ZNF43: variants seen among roughly 807,000 people sequenced by gnomAD.
ZNF43 encodes the protein zinc finger protein 39-like 1 (KOX 27).
In ZNF43, 44 loss-of-function variants were observed where a neutral mutation model predicts 68.4. The observed-to-expected ratio is 0.64, with a 90% confidence interval of 0.51 to 0.83. ZNF43 has a LOEUF of 0.83. ZNF43 is among the 40% of genes least tolerant of loss of function. The pLI is 0.00. For missense variants in ZNF43, 896 were observed against 933.2 expected (o/e 0.96, Z 0.52); for synonymous variants, 308 against 307.8 (o/e 1.00, Z -0.01).
chr19:21,814,033 G>T (rs2037402251), intron 3 of ZNF43, among the ~76,000 whole-genome samples: 1 of 151,926 alleles, frequency 6.6e-6, no homozygotes, highest in Admixed American at 6.6e-5. Context: ...AAAATCCTGG[G>T]ATTACAGATG....
chr19:21,812,540 A>G (rs1308305897), intron 3 of ZNF43, among the ~76,000 whole-genome samples: 1 of 133,714 alleles, frequency 7.5e-6, no homozygotes, highest in Non-Finnish European at 1.6e-5. Flanking sequence ...ACACAAAATT[A>G]CAATTTGTAG....
In ZNF43 at chr19:21,808,847, G is replaced by T. The variant is rs780776338; in HGVS notation, c.1190C>A (p.Pro397His). 4 of 1,613,048 alleles carry T rather than the reference G, an allele frequency of 2.5e-6. No homozygotes were observed. In the South Asian group the frequency reaches 4.4e-5, roughly 18 times the overall value. Residue 397 changes from proline (P) to histidine (H), a missense_variant, in exon 4 of 4, where the codon CCC becomes CAC. Transcript: ENST00000354959. ...KHKKIHTEKK[P>H]YKCEECGKAF... Reference sequence around the variant, plus strand: ...TTTGCCACATTCTTCACATTTGTAGGGTTTCTTTTCAGTATGAATTTTCTT... The same window carrying T: ...TTTGCCACATTCTTCACATTTGTAGTGTTTCTTTTCAGTATGAATTTTCTT...
intron 1 of ZNF43, among the ~76,000 whole-genome samples, chr19:21,851,539 CAAAA>C (rs759516277): frequency 1.2e-3 from 77 of 64,828 alleles, no homozygotes; most frequent in African/African-American, 3.4e-3. Flanking sequence ...GATTCCCTCT[CAAAA>C]AAAAAAAAAA....
At chr19:21,836,902 T>C (rs1481646823), upstream of ZNF43, among the ~76,000 whole-genome samples, 1 of 152,202 alleles carries the variant, frequency 6.6e-6, no homozygotes, top group Non-Finnish European at 1.5e-5. Flanking sequence ...TGAATTATTT[T>C]ATCAAAAAAT....
In ZNF43 at chr19:21,807,460, A is replaced by T. The variant is rs1444161205; in HGVS notation, c.*147T>A. ...AAAATTCTTTCCTGTGCAATAAGGT[A>T]CGAGCATTAATTAAAAGTTTTGCCA... On this transcript the variant is annotated 3_prime_UTR_variant, in exon 4 of 4. Transcript: ENST00000354959. The T allele has an allele frequency of 1.3e-6, 1 of 750,652 alleles. No homozygotes were observed. The highest frequency in any genetic ancestry group is 2.0e-6 in the Non-Finnish European group (1 of 490,108). The allele number at this position is 750,652 out of a possible 1,614,324, so 46.5% of individuals were successfully genotyped here. A position where few individuals can be genotyped will look rare whatever the true frequency, so the allele number is the denominator to read the frequency against.
In ZNF43 at chr19:21,806,224, T is replaced by G. The variant is rs567292155; in HGVS notation, c.*1383A>C. On this transcript the variant is annotated 3_prime_UTR_variant, in exon 4 of 4. Transcript: ENST00000354959. ...GGAGTTTGACTTTTGTTGCCCAGGT[T>G]GGAGTGCAATGGTATGATTTCGGCT... 4 of 150,512 alleles carry G rather than the reference T, an allele frequency of 2.7e-5. 1 individual carries two copies. In the South Asian group the frequency reaches 8.4e-4, roughly 32 times the overall value. 9.3% of individuals were successfully genotyped at this position (150,512 alleles called of 1,614,324 possible). A position where few individuals can be genotyped will look rare whatever the true frequency, so the allele number is the denominator to read the frequency against.
chr19:21,821,475 C>A (rs1490015317), intron 1 of ZNF43, among the ~76,000 whole-genome samples: 1 of 152,094 alleles, frequency 6.6e-6, no homozygotes, highest in Non-Finnish European at 1.5e-5. Flanking sequence ...TTATAAATGT[C>A]TTCTTGTTTA....
chr19:21,844,281 G>T (rs1420077735), intron 1 of ZNF43, among the ~76,000 whole-genome samples: 1 of 150,222 alleles, frequency 6.7e-6, no homozygotes, highest in Admixed American at 6.7e-5. Context: ...CCTGGGAGGT[G>T]GAGGTTGCAG....
chr19:21,849,344 C>T (rs7248444), intron 1 of ZNF43, among the ~76,000 whole-genome samples: 3,503 of 151,808 alleles, frequency 0.023, 147 homozygotes, highest in African/African-American at 0.078. Flanking sequence ...CAAAATTAGC[C>T]AGGCGTAGTG....
At chr19:21,846,211 T>C (rs750894294) in intron 1 of ZNF43, among the ~76,000 whole-genome samples, 1 of 152,030 alleles carries the variant, frequency 6.6e-6, no homozygotes, top group Non-Finnish European at 1.5e-5. Context: ...GGTCTAGCTA[T>C]GAGAGGAGAG....
At position 21,808,560 on chromosome 19, in the gene ZNF43, G is replaced by A. The variant is rs1033089839; in HGVS notation, c.1477C>T (p.Arg493Trp). Reference sequence around the variant, plus strand: ...TTATGTTTAGTAAGGTTTGAGGACCGGCTAAAAGCTTTGCCACATTCTTCA... The same window carrying A: ...TTATGTTTAGTAAGGTTTGAGGACCAGCTAAAAGCTTTGCCACATTCTTCA... Reference protein sequence around the residue: ...KCEECGKAFSRSSNLTKHKKI... With the variant: ...KCEECGKAFSWSSNLTKHKKI... The change falls in exon 4 of 4, where the codon CGG becomes TGG. Residue 493 changes from arginine (R) to tryptophan (W), a missense_variant. By Grantham distance (101) the Arg-to-Trp change is moderately radical (BLOSUM62 -3). Coordinates refer to ENST00000354959, the MANE Select transcript of ZNF43 (RefSeq NM_003423.4). 8.7e-6 allele frequency: 14 copies of A among 1,612,314 alleles called. No individual in the cohort carries two copies. The highest frequency in any genetic ancestry group is 2.7e-5 in the African/African-American group (2 of 74,456).
At position 21,808,963 on chromosome 19, in the gene ZNF43, A is replaced by C; in HGVS notation, c.1074T>G (p.Thr358=). The C allele has an allele frequency of 6.2e-7, 1 of 1,613,758 alleles. No individual in the cohort carries two copies. The highest frequency in any genetic ancestry group is 1.1e-5 in the South Asian group (1 of 91,066). ...GKAFNQFSNL[T]THKRIHTAEK... ...CTGCAGTATGGATTCTCTTATGTGT[A>C]GTAAGGTTTGAGAACTGGTTAAAGG... Residue 358 remains threonine, a synonymous_variant, in exon 4 of 4, where the codon ACT becomes ACG. Coordinates refer to ENST00000354959, the MANE Select transcript of ZNF43 (RefSeq NM_003423.4).
chr19:21,842,879 C>A (rs571125879), intron 1 of ZNF43, among the ~76,000 whole-genome samples: 41 of 152,048 alleles, frequency 2.7e-4, no homozygotes, highest in African/African-American at 9.6e-4. Context: ...CCTAGTGATA[C>A]GTCACCCCCT....
rs972045512 is a variant in ZNF43 at position 21,808,624 on chromosome 19, T to C, written c.1413A>G (p.Thr471=). The change falls in exon 4 of 4, where the codon ACA becomes ACG. Residue 471 remains threonine (T), a synonymous_variant. Coordinates refer to ENST00000354959, the MANE Select transcript of ZNF43 (RefSeq NM_003423.4). ...KAFNQFSNLT[T]HKRIHTAEKP... ...TTTCTGCAGTATGAATTCTCTTATG[T>C]GTAGTAAGGTTTGAGAACTGGTTAA... The C allele has an allele frequency of 6.2e-7, 1 of 1,613,742 alleles. No individual in the cohort carries two copies. The highest frequency in any genetic ancestry group is 1.7e-5 in the Admixed American group (1 of 60,000).
intron 1 of ZNF43, among the ~76,000 whole-genome samples, chr19:21,823,874 C>G (rs1474631244): frequency 2.0e-5 from 3 of 152,064 alleles, no homozygotes; most frequent in African/African-American, 7.2e-5. Flanking sequence ...CAGCCTCAGG[C>G]TGATTCTAAA....
chr19:21,833,785 T>C (rs2038543978), intron 1 of ZNF43, among the ~76,000 whole-genome samples: 1 of 150,792 alleles, frequency 6.6e-6, no homozygotes, highest in Non-Finnish European at 1.5e-5. Context: ...CTCAGCACTT[T>C]GGGAGGCCGA....
In ZNF43 at chr19:21,807,554, TGTAAA is replaced by T; in HGVS notation, c.*48_*52del. 6.9e-7 allele frequency: 1 copy of T among 1,443,724 alleles called. No homozygotes were observed. Among genetic ancestry groups the T allele is most frequent in the Non-Finnish European group, 9.2e-7 (1 of 1,081,718 alleles). 89.4% of individuals were successfully genotyped at this position (1,443,724 alleles called of 1,614,324 possible). The stretch of plus-strand genomic sequence containing the variant: ...TACCTACAATCAAGTGTGACAACCA[TGTAAA>T]GCCTTTATCACATTCTTTACATTTC... On this transcript the variant is annotated 3_prime_UTR_variant, in exon 4 of 4. Coordinates refer to ENST00000354959, the MANE Select transcript of ZNF43 (RefSeq NM_003423.4).
At chr19:21,834,293 A>C (rs1292853822) in intron 1 of ZNF43, among the ~76,000 whole-genome samples, 1 of 150,048 alleles carries the variant, frequency 6.7e-6, no homozygotes, top group Non-Finnish European at 1.5e-5. Flanking sequence ...AGCAGAGATC[A>C]CATCACTGCA....
intron 1 of ZNF43, among the ~76,000 whole-genome samples, chr19:21,830,721 CA>C (rs1343613920): frequency 6.7e-6 from 1 of 149,616 alleles, no homozygotes; most frequent in Non-Finnish European, 1.5e-5. Context: ...AGAGCCATTC[CA>C]AAAAATTGAG....
Sources: gnomAD v4.1 joint callset for allele counts (sites outside exome capture counted in the v4.1 genomes callset) on GRCh38, gnomAD v4.1.1 for gene constraint, MANE v1.5 for transcripts, NCBI Gene and HGNC (gene_info 2026-07-23, HGNC 2026-07-21) for gene names.